The following CPA6 variants were observed in gnomAD, a reference collection of about 807,000 sequenced individuals.
CPA6 encodes carboxypeptidase A6.
A neutral mutation model predicts 63.3 loss-of-function variants in CPA6; 58 were observed. The ratio of observed to expected loss-of-function variants is 0.92; its 90% confidence interval spans 0.74 to 1.14. The LOEUF (loss-of-function observed/expected upper bound fraction) is 1.14, where lower values mean the gene tolerates loss of function less well. Ranked by LOEUF, CPA6 falls within the 50% of genes most tolerant of loss-of-function variation. The probability of loss-of-function intolerance (pLI) is 0.00; values close to 1 mark genes in which losing one functional copy is unlikely to be tolerated. For missense variants in CPA6, 565 were observed against 526.6 expected (o/e 1.07, Z -0.71); for synonymous variants, 185 against 179.0 (o/e 1.03, Z -0.27).
At chr8:67,738,509 G>A (rs1484952100) in intron 1 of CPA6, among the ~76,000 whole-genome samples, 1 of 152,038 alleles carries the variant, frequency 6.6e-6, no homozygotes, top group Non-Finnish European at 1.5e-5. Context: ...GGAGGTTTAG[G>A]ATTCTTCGTC....
rs544101447 is a variant in CPA6 at position 67,652,964 on chromosome 8, C to T, written c.117-28713G>A. Among the ~76,000 whole-genome samples the T allele has an allele frequency of 6.7e-3, 1,023 of 151,974 alleles. 17 individuals are homozygous for T. Among genetic ancestry groups the T allele is most frequent in the African/African-American group, 0.023 (934 of 41,430 alleles). ...GTTTCAGCTTTCTACATATGGCTAG[C>T]CAGTTTTCCCAGCACCATTTATTAA... On this transcript the variant is annotated intron_variant, in intron 1 of 10. Transcript: ENST00000297770.
In CPA6 at chr8:67,673,593, C is replaced by T. The variant is rs990317363; in HGVS notation, c.117-49342G>A. Reference sequence around the variant, plus strand: ...ATTTTTAGTAGAGACGGGGTTTCACCGTGTTAGCCAGGATGGTCTCAATCT... The same window carrying T: ...ATTTTTAGTAGAGACGGGGTTTCACTGTGTTAGCCAGGATGGTCTCAATCT... On this transcript the variant is annotated intron_variant, in intron 1 of 10. Coordinates refer to ENST00000297770, the MANE Select transcript of CPA6 (RefSeq NM_020361.5). Among the ~76,000 whole-genome samples the T allele has an allele frequency of 1.1e-4, 16 of 150,440 alleles. No homozygotes were observed. The South Asian group carries it at 2.1e-3, about 20-fold the overall frequency.
At chr8:67,687,991 C>T (rs1007047991) in intron 1 of CPA6, among the ~76,000 whole-genome samples, 3 of 151,998 alleles carry the variant, frequency 2.0e-5, no homozygotes, top group African/African-American at 7.2e-5. Flanking sequence ...GCCTGGGTAA[C>T]ATGGAAAAAC....
Position 67,686,276 on chromosome 8 carries a change from T to C in CPA6, c.116+59738A>G, listed in dbSNP as rs143416321. ...AGTGCCTTGGCCCAGCTCAACTATC[T>C]GTTTGAGAGACATCACCATGACAGA... is the stretch of plus-strand genomic sequence containing the variant. On this transcript the variant is annotated intron_variant, in intron 1 of 10. Transcript: ENST00000297770. 2.2e-3 allele frequency among the ~76,000 whole-genome samples: 341 copies of C among 152,318 alleles called. 3 individuals carry two copies. The highest frequency in any genetic ancestry group is 0.011 in the South Asian group (55 of 4,826).
chr8:67,530,768 A>G (rs1385526006), intron 2 of CPA6, among the ~76,000 whole-genome samples: 1 of 152,210 alleles, frequency 6.6e-6, no homozygotes, highest in Non-Finnish European at 1.5e-5. Flanking sequence ...TAAAACTAGA[A>G]CCTTCAAAGG....
intron 2 of CPA6, among the ~76,000 whole-genome samples, chr8:67,575,470 T>C (rs555708037): frequency 1.3e-5 from 2 of 152,332 alleles, no homozygotes; most frequent in East Asian, 1.9e-4. Flanking sequence ...ATAGTCAAGA[T>C]ACAGAATCAA....
intron 1 of CPA6, among the ~76,000 whole-genome samples, chr8:67,637,719 T>G (rs1587658927): frequency 6.6e-6 from 1 of 151,412 alleles, no homozygotes; most frequent in Non-Finnish European, 1.5e-5. Context: ...TGGCAACTGT[T>G]TCATAAACTA....
At chr8:67,530,684 T>C (rs2128968907) in intron 2 of CPA6, among the ~76,000 whole-genome samples, 1 of 152,288 alleles carries the variant, frequency 6.6e-6, no homozygotes, top group Non-Finnish European at 1.5e-5. Context: ...GTTGTAGATG[T>C]CTGTTATAAC....
intron 1 of CPA6, among the ~76,000 whole-genome samples, chr8:67,713,932 A>G (rs1374643905): frequency 6.6e-6 from 1 of 152,190 alleles, no homozygotes; most frequent in Non-Finnish European, 1.5e-5. Context: ...GCTGAAATTC[A>G]GGTGCTCTGG....
intron 2 of CPA6, among the ~76,000 whole-genome samples, chr8:67,614,541 A>C (rs1446081950): frequency 1.3e-5 from 2 of 152,222 alleles, no homozygotes; most frequent in African/African-American, 4.8e-5. Flanking sequence ...TCAGACCCAC[A>C]TGAAACTGGT....
intron 6 of CPA6, 49 bp from the exon 7 acceptor site, chr8:67,484,838 G>GA (rs760383325): frequency 2.9e-6 from 3 of 1,020,120 alleles, no homozygotes; most frequent in Non-Finnish European, 4.5e-6. Flanking sequence ...CCCAAAAGAG[G>GA]AAAAAAGAGT....
rs147475942 is a variant in CPA6 at position 67,517,965 on chromosome 8, C to T, written c.275G>A (p.Arg92Gln). The part of the protein sequence containing the change: ...TDVHIPQNGS[R>Q]ALLAFLQEAN... ...TTCCTGTAAGAAGGCTAACAGGGCT[C>T]GGGAACCATTTTGGGGGATATGGAC... Residue 92 changes from arginine to glutamine, a missense_variant, in exon 3 of 11, where the codon CGA (arginine) becomes CAA (glutamine). Arg to Gln is a conservative substitution (Grantham distance 43). Coordinates refer to ENST00000297770, the MANE Select transcript of CPA6 (RefSeq NM_020361.5). 36 of 1,612,806 alleles carry T rather than the reference C, an allele frequency of 2.2e-5. No individual in the cohort carries two copies. Among genetic ancestry groups the T allele is most frequent in the East Asian group, 1.3e-4 (6 of 44,840 alleles).
At chr8:67,697,823 T>C (rs1816939361) in intron 1 of CPA6, among the ~76,000 whole-genome samples, 1 of 152,190 alleles carries the variant, frequency 6.6e-6, no homozygotes, top group African/African-American at 2.4e-5. Context: ...CTATGAAGAC[T>C]GATATGTGTA....
chr8:67,422,459 C>T lies in CPA6; in HGVS notation c.*45G>A. The T allele has an allele frequency of 1.9e-6, 3 of 1,544,054 alleles. No homozygotes were observed. Among genetic ancestry groups the T allele is most frequent in the East Asian group, 2.3e-5 (1 of 44,400 alleles). On this transcript the variant is annotated 3_prime_UTR_variant, in exon 11 of 11. Coordinates refer to ENST00000297770, the MANE Select transcript of CPA6 (RefSeq NM_020361.5). ...CAATTTCTATCCAGGGCCAAGTAGGCCTTGCTCAGAATCCTATGGCAGTTG... is the reference window on the plus strand; with the variant it reads ...CAATTTCTATCCAGGGCCAAGTAGGTCTTGCTCAGAATCCTATGGCAGTTG...
intron 1 of CPA6, among the ~76,000 whole-genome samples, chr8:67,667,234 C>T (rs1378449703): frequency 6.6e-6 from 1 of 151,590 alleles, no homozygotes; most frequent in African/African-American, 2.4e-5. Context: ...AGCCCGATGT[C>T]ATTTCGGATT....
At chr8:67,587,134 A>G (rs892729851) in intron 2 of CPA6, among the ~76,000 whole-genome samples, 1 of 152,230 alleles carries the variant, frequency 6.6e-6, no homozygotes, top group Non-Finnish European at 1.5e-5. Flanking sequence ...AAGAATGTGG[A>G]TCCGTAGATT....
chr8:67,559,870 T>TGTATACAC (rs1554674456), intron 2 of CPA6, among the ~76,000 whole-genome samples: 1 of 146,786 alleles, frequency 6.8e-6, no homozygotes, highest in African/African-American at 2.5e-5. Flanking sequence ...TATATATGTA[T>TGTATACAC]ACACACACAC....
intron 1 of CPA6, among the ~76,000 whole-genome samples, chr8:67,702,461 G>A (rs1817046554): frequency 6.6e-6 from 1 of 152,110 alleles, no homozygotes; most frequent in Non-Finnish European, 1.5e-5. Context: ...TCAGGAGATG[G>A]TCAGGTGGTG....
At chr8:67,692,839 C>G (rs1761890455) in intron 1 of CPA6, among the ~76,000 whole-genome samples, 1 of 152,046 alleles carries the variant, frequency 6.6e-6, no homozygotes, top group African/African-American at 2.4e-5. Flanking sequence ...AAATTAATAC[C>G]CAAGGTAGCT....
Sources: gnomAD v4.1 joint callset for allele counts (sites outside exome capture counted in the v4.1 genomes callset) on GRCh38, gnomAD v4.1.1 for gene constraint, MANE v1.5 for transcripts, NCBI Gene and HGNC (gene_info 2026-07-23, HGNC 2026-07-21) for gene names.